TACC2: variants seen among roughly 807,000 people sequenced by gnomAD.
TACC2 encodes transforming acidic coiled-coil-containing protein 2.
Under a neutral mutation model 227.3 loss-of-function variants are expected in TACC2, and 137 were observed. That is an observed-to-expected ratio of 0.60 (90% CI 0.52 to 0.69). The LOEUF (loss-of-function observed/expected upper bound fraction) is 0.69, where lower values mean the gene tolerates loss of function less well. TACC2 is among the 30% of genes least tolerant of loss of function. The pLI is 0.00. For synonymous variants in TACC2, 1,523 were observed against 1,487.5 expected, an observed-to-expected ratio of 1.02 and a Z score of -0.55; for missense variants, 3,470 against 3,694.4, an observed-to-expected ratio of 0.94 and a Z score of 1.57.
At chr10:122,166,339 G>T (rs1310147283) in intron 7 of TACC2, among the ~76,000 whole-genome samples, 1 of 152,030 alleles carries the variant, frequency 6.6e-6, no homozygotes, top group Non-Finnish European at 1.5e-5. Context: ...CCTTCCAATT[G>T]CAGGTTTGGG....
At chr10:122,240,948 G>A (rs1201080763) in intron 18 of TACC2, among the ~76,000 whole-genome samples, 2 of 152,190 alleles carry the variant, frequency 1.3e-5, no homozygotes, top group Non-Finnish European at 2.9e-5. Context: ...GCCAGTAGGA[G>A]ATGAGATTTG....
chr10:122,195,834 T>C (rs572584932), intron 8 of TACC2, among the ~76,000 whole-genome samples: 77 of 152,276 alleles, frequency 5.1e-4, no homozygotes, highest in African/African-American at 1.8e-3. Flanking sequence ...CACAGGAGAC[T>C]GGAAGAGATA....
rs113471976 is a variant in TACC2, at chr10:122,113,538, G to A, written c.5574-19071G>A. 2.1e-3 allele frequency among the ~76,000 whole-genome samples: 316 copies of A among 152,238 alleles called. 1 individual carries two copies. The highest frequency in any genetic ancestry group is 7.3e-3 in the African/African-American group (303 of 41,550). Reference sequence around the variant, plus strand: ...CCAGTGGCTGGGATTCCCGCTCGCGGTTGGGGTCCCCGCGCGTGGTTGTGG... The same window carrying A: ...CCAGTGGCTGGGATTCCCGCTCGCGATTGGGGTCCCCGCGCGTGGTTGTGG... On this transcript the variant is annotated intron_variant, in intron 5 of 22. Transcript: ENST00000369005.
intron 3 of TACC2, chr10:122,052,011 C>G (rs2075756554): frequency 6.6e-6 from 1 of 152,144 alleles, no homozygotes; most frequent in African/African-American, 2.4e-5. Flanking sequence ...TCTCTATTCT[C>G]TGCTAAAGAT....
intron 8 of TACC2, among the ~76,000 whole-genome samples, chr10:122,203,163 C>T (rs1416146550): frequency 1.1e-4 from 17 of 152,062 alleles, no homozygotes; most frequent in South Asian, 2.1e-4. Flanking sequence ...CCGTTCTCAA[C>T]GAGCTGCTGG....
chr10:122,148,805 G>GGTA (rs2091712663), intron 7 of TACC2, among the ~76,000 whole-genome samples: 1 of 152,202 alleles, frequency 6.6e-6, no homozygotes, highest in Non-Finnish European at 1.5e-5. Context: ...CACTCTCATT[G>GGTA]GTAATCATTA....
At chr10:122,149,064 G>A (rs2091746802) in intron 7 of TACC2, among the ~76,000 whole-genome samples, 1 of 152,220 alleles carries the variant, frequency 6.6e-6, no homozygotes. Context: ...CGAGGCTGAA[G>A]CCAGGCGAGG....
chr10:122,024,945 G>T (rs959729048), intron 2 of TACC2, among the ~76,000 whole-genome samples: 1 of 152,164 alleles, frequency 6.6e-6, no homozygotes, highest in Non-Finnish European at 1.5e-5. Context: ...TGCAGTTGCT[G>T]GGTTGTATGA....
At chr10:121,989,833 C>T (rs1952958582) in intron 1 of TACC2, among the ~76,000 whole-genome samples, 1 of 151,732 alleles carries the variant, frequency 6.6e-6, no homozygotes, top group Non-Finnish European at 1.5e-5. Context: ...TCATGGCTCA[C>T]TGTAGCCCAG....
intron 7 of TACC2, among the ~76,000 whole-genome samples, chr10:122,154,410 T>C (rs1372451447): frequency 6.6e-6 from 1 of 152,244 alleles, no homozygotes; most frequent in Non-Finnish European, 1.5e-5. Context: ...CCTGGAGTAA[T>C]AGTTTAAAGA....
At position 122,194,573 on chromosome 10, in the gene TACC2, A is replaced by G. The variant is rs887559714; in HGVS notation, c.5835-467A>G. On this transcript the variant is annotated intron_variant, in intron 7 of 22. Coordinates refer to ENST00000369005, the MANE Select transcript of TACC2 (RefSeq NM_206862.4). The surrounding 1 kb of genome is among the most constrained non-coding windows in gnomAD (Gnocchi z 4.4). ...GTGTTTTGAGCTCCGTAGAAGAGAA[A>G]GACAGTAAACACTACTAGAATAAGT... Among the ~76,000 whole-genome samples the G allele has an allele frequency of 6.6e-6, 1 of 152,226 alleles. No individual in the cohort carries two copies. The highest frequency in any genetic ancestry group is 1.5e-5 in the Non-Finnish European group (1 of 68,044).
chr10:122,084,541 A>G lies in TACC2; in HGVS notation c.2041A>G (p.Thr681Ala). ...PPVPDGAGEP[T>A]VPEGAIWEGS... The stretch of plus-strand genomic sequence containing the variant: ...TGTGCCAGATGGAGCTGGTGAGCCC[A>G]CTGTTCCCGAAGGAGCCATCTGGGA... Residue 681 changes from threonine (T) to alanine (A), a missense_variant, in exon 4 of 23, where the codon ACT (threonine) becomes GCT (alanine). By Grantham distance (58) the Thr-to-Ala change is moderately conservative (BLOSUM62 0). Around this residue, in one of 10 missense-constraint regions of TACC2, gnomAD observed 1,924 missense variants for 1,978.3 expected, o/e 0.97. Coordinates refer to ENST00000369005, the MANE Select transcript of TACC2 (RefSeq NM_206862.4). The G allele has an allele frequency of 1.2e-6, 2 of 1,613,650 alleles. No individual in the cohort carries two copies. The highest frequency in any genetic ancestry group is 2.2e-5 in the East Asian group (1 of 44,876).
At position 122,102,110 on chromosome 10, in the gene TACC2, G is replaced by A. The variant is rs896669030; in HGVS notation, c.5573+13519G>A. 3.3e-5 allele frequency among the ~76,000 whole-genome samples: 5 copies of A among 151,970 alleles called. No homozygotes were observed. The East Asian group carries it at 9.7e-4, about 29-fold the overall frequency. On this transcript the variant is annotated intron_variant, in intron 5 of 22. Transcript: ENST00000369005. ...GTGTGACGCTTCACCCGTCGGTTTG[G>A]GCAGTTTATGGGCCACCCTTTAAGT...
In TACC2 at chr10:122,132,887, T is replaced by A. The variant is rs543544528; in HGVS notation, c.5699+153T>A. Among the ~76,000 whole-genome samples, 16 of 151,734 alleles carry A rather than the reference T, an allele frequency of 1.1e-4. No individual in the cohort carries two copies. The South Asian group carries it at 1.9e-3, about 18-fold the overall frequency. On this transcript the variant is annotated intron_variant, in intron 6 of 22. Transcript: ENST00000369005. ...ACACACAGGGTGTGCACACCTGTCC[T>A]GAACAGGTGTGTGCCAGAGTTGGGG...
intron 7 of TACC2, among the ~76,000 whole-genome samples, chr10:122,174,361 C>T (rs562431977): frequency 1.3e-5 from 2 of 152,224 alleles, no homozygotes; most frequent in Non-Finnish European, 2.9e-5. Context: ...GGCACTGGCT[C>T]AGCGCAGACC....
chr10:122,087,545 C>T lies in TACC2; in HGVS notation c.5045C>T (p.Ala1682Val), dbSNP rs762572247. 2 of 1,613,742 alleles carry T rather than the reference C, an allele frequency of 1.2e-6. No individual in the cohort carries two copies. Among genetic ancestry groups the T allele is most frequent in the Non-Finnish European group, 1.7e-6 (2 of 1,180,044 alleles). The part of the protein sequence containing the change: ...RNALGNQSTP[A>V]PPTGEVADTP... ...GCCCTGGGCAACCAGAGCACCCCTG[C>T]ACCACCAACTGGAGAAGTGGCAGAC... Residue 1682 changes from alanine (A) to valine (V), a missense_variant, in exon 4 of 23, where the codon GCA becomes GTA. By Grantham distance (64) the Ala-to-Val change is moderately conservative. Transcript: ENST00000369005.
chr10:122,071,889 A>G (rs1214990648), intron 3 of TACC2, among the ~76,000 whole-genome samples: 1 of 149,284 alleles, frequency 6.7e-6, no homozygotes, highest in Non-Finnish European at 1.5e-5. Flanking sequence ...TCTGTCTCAA[A>G]AAAAAAAAAA....
In TACC2 at chr10:122,210,364, CTG is replaced by C. The variant is rs772376509; in HGVS notation, c.5972-31_5972-30del. On this transcript the variant is annotated intron_variant, in intron 8 of 22. Coordinates refer to ENST00000369005, the MANE Select transcript of TACC2 (RefSeq NM_206862.4). This position sits in a 1 kb window ranked among gnomAD's most constrained non-coding sequence, Gnocchi z 4.6. ...AGAGGTGCCCCAATGCGTCCTGTGT[CTG>C]TAATTGATGGCGTTGTCTGTGTTTC... 3 of 1,546,120 alleles carry C rather than the reference CTG, an allele frequency of 1.9e-6. No individual in the cohort carries two copies. In the South Asian group the frequency reaches 3.3e-5, roughly 17 times the overall value.
At chr10:122,212,122 T>C (rs1486928161) in intron 9 of TACC2, among the ~76,000 whole-genome samples, 1 of 152,228 alleles carries the variant, frequency 6.6e-6, no homozygotes, top group African/African-American at 2.4e-5. Flanking sequence ...AATATTAAAA[T>C]GTATAGTACT....
Sources: gnomAD v4.1 joint callset for allele counts (sites outside exome capture counted in the v4.1 genomes callset) on GRCh38, gnomAD v4.1.1 for gene constraint, gnomAD v4.1.1 regional missense constraint, Gnocchi (gnomAD v3.1) non-coding constraint, MANE v1.5 for transcripts, NCBI Gene and HGNC (gene_info 2026-07-23, HGNC 2026-07-21) for gene names.